Variants in SUPT3H observed in about 807,000 individuals in gnomAD.
SUPT3H encodes transcription initiation protein SPT3 homolog.
In SUPT3H, 44 loss-of-function variants were observed where a neutral mutation model predicts 44.3. The observed-to-expected ratio is 0.99, with a 90% confidence interval of 0.78 to 1.28. The LOEUF is 1.28. Among genes scored for constraint, SUPT3H ranks in the 50% most tolerant of loss-of-function variants. The pLI, the probability that SUPT3H is intolerant of heterozygous loss-of-function variation, is 0.00. For missense variants in SUPT3H, 380 were observed against 387.1 expected, an observed-to-expected ratio of 0.98 and a Z score of 0.15; for synonymous variants, 124 against 125.6, an observed-to-expected ratio of 0.99 and a Z score of 0.09.
intron 6 of SUPT3H, among the ~76,000 whole-genome samples, chr6:44,986,293 T>C (rs1162808219): frequency 6.6e-6 from 1 of 152,204 alleles, no homozygotes; most frequent in Non-Finnish European, 1.5e-5. Context: ...AGTTACCTAA[T>C]CTCTGTGCTT....
At chr6:44,990,774 G>A (rs757132146) in intron 6 of SUPT3H, among the ~76,000 whole-genome samples, 159 of 152,036 alleles carry the variant, frequency 1.0e-3, no homozygotes, top group African/African-American at 3.6e-3. Flanking sequence ...AAAGGTATAC[G>A]GTAGTATTCT....
chr6:44,984,547 A>C (rs1053343828), intron 6 of SUPT3H, among the ~76,000 whole-genome samples: 1 of 152,140 alleles, frequency 6.6e-6, no homozygotes, highest in African/African-American at 2.4e-5. Context: ...AATAGAGTAT[A>C]AGTGAATATA....
rs528799791 is a variant in SUPT3H, at chr6:45,370,118, A to G, written c.1-4817T>C. Among the ~76,000 whole-genome samples, 40 of 152,328 alleles carry G rather than the reference A, an allele frequency of 2.6e-4. No homozygotes were observed. In the East Asian group the frequency reaches 7.3e-3, roughly 28 times the overall value. Reference sequence around the variant, plus strand: ...ATAACTCCAGCAGCTGGGAGAATATACTATATGGAAGCAAGAGTGCAATCA... The same window carrying G: ...ATAACTCCAGCAGCTGGGAGAATATGCTATATGGAAGCAAGAGTGCAATCA... On this transcript the variant is annotated intron_variant, in intron 1 of 10. Transcript: ENST00000371459.
chr6:45,217,394 G>T (rs1584314925), intron 2 of SUPT3H, among the ~76,000 whole-genome samples: 1 of 151,818 alleles, frequency 6.6e-6, no homozygotes, highest in East Asian at 1.9e-4. Flanking sequence ...ACAATCACTT[G>T]AACCCAGGAG....
chr6:44,994,256 A>G (rs995666263), intron 6 of SUPT3H, among the ~76,000 whole-genome samples: 1 of 152,114 alleles, frequency 6.6e-6, no homozygotes, highest in African/African-American at 2.4e-5. Context: ...AAAAATCTCA[A>G]TAAATAAATG....
At chr6:45,263,986 C>A (rs997283747) in intron 2 of SUPT3H, among the ~76,000 whole-genome samples, 12 of 152,142 alleles carry the variant, frequency 7.9e-5, no homozygotes, top group Admixed American at 7.9e-4. Flanking sequence ...TCCAGAGGAT[C>A]GATTCTCCAA....
intron 9 of SUPT3H, among the ~76,000 whole-genome samples, chr6:44,940,101 T>C (rs1278156588): frequency 6.6e-6 from 1 of 152,016 alleles, no homozygotes; most frequent in African/African-American, 2.4e-5. Context: ...GTTTGGTATT[T>C]TCTTGCTTTT....
intron 10 of SUPT3H, 61 bp downstream of exon 10, chr6:44,932,592 T>C: frequency 5.6e-6 from 7 of 1,256,360 alleles, no homozygotes; most frequent in South Asian, 3.0e-5. Flanking sequence ...ATTTGACCAC[T>C]TGAAAATCAA....
intron 2 of SUPT3H, among the ~76,000 whole-genome samples, chr6:45,205,943 G>A (rs1237634101): frequency 1.3e-5 from 2 of 152,112 alleles, no homozygotes; most frequent in African/African-American, 4.8e-5. Context: ...TTCACAGAAG[G>A]CCTTAAAATT....
intron 2 of SUPT3H, among the ~76,000 whole-genome samples, chr6:45,342,265 T>C (rs1056160480): frequency 1.4e-4 from 22 of 152,136 alleles, no homozygotes; most frequent in African/African-American, 5.3e-4. Flanking sequence ...TATAACACAA[T>C]CTCAATTTTT....
At chr6:45,307,614 CT>C (rs1292162337) in intron 2 of SUPT3H, among the ~76,000 whole-genome samples, 1 of 152,206 alleles carries the variant, frequency 6.6e-6, no homozygotes, top group African/African-American at 2.4e-5. Context: ...AAAACCCCAT[CT>C]GTACATTACC....
At chr6:45,314,797 C>A (rs1413101500) in intron 2 of SUPT3H, among the ~76,000 whole-genome samples, 1 of 152,066 alleles carries the variant, frequency 6.6e-6, no homozygotes, top group Non-Finnish European at 1.5e-5. Context: ...TTCTAAAATT[C>A]ATATGGAACC....
At chr6:45,290,072 G>A (rs1376896322) in intron 2 of SUPT3H, among the ~76,000 whole-genome samples, 2 of 151,976 alleles carry the variant, frequency 1.3e-5, no homozygotes, top group East Asian at 3.9e-4. Flanking sequence ...CCCAGCTACT[G>A]ACAAGCCTGA....
chr6:45,016,692 C>A (rs1583069943), intron 4 of SUPT3H, among the ~76,000 whole-genome samples: 1 of 152,150 alleles, frequency 6.6e-6, no homozygotes, highest in Admixed American at 6.5e-5. Flanking sequence ...TTTATGGCTG[C>A]ATAGTATTCC....
intron 10 of SUPT3H, among the ~76,000 whole-genome samples, chr6:44,911,075 GT>G (rs919554007): frequency 1.6e-4 from 24 of 147,472 alleles, no homozygotes; most frequent in East Asian, 4.0e-4. Context: ...TTTTTGATGA[GT>G]TTTTTTTTAA....
chr6:44,820,389 AAACAC>A (rs1295507273), intron 11 of SUPT3H, among the ~76,000 whole-genome samples: 1 of 152,174 alleles, frequency 6.6e-6, no homozygotes, highest in Non-Finnish European at 1.5e-5. Flanking sequence ...TTATGTTGAA[AAACAC>A]AGTTGAAGAA....
chr6:45,050,607 C>G (rs1790129125), intron 3 of SUPT3H, among the ~76,000 whole-genome samples: 1 of 152,050 alleles, frequency 6.6e-6, no homozygotes, highest in African/African-American at 2.4e-5. Context: ...AGAAAATAAA[C>G]CATGCCACAT....
intron 6 of SUPT3H, among the ~76,000 whole-genome samples, chr6:44,974,009 A>G (rs185231770): frequency 5.9e-5 from 9 of 152,268 alleles, no homozygotes; most frequent in Admixed American, 5.2e-4. Flanking sequence ...AACTGTATCA[A>G]TTGCTATAAC....
chr6:45,127,544 A>C (rs1295273997), intron 2 of SUPT3H, among the ~76,000 whole-genome samples: 2 of 152,196 alleles, frequency 1.3e-5, no homozygotes, highest in Non-Finnish European at 1.5e-5. Flanking sequence ...ATTACCTTTC[A>C]TGATTCAAAC....
Sources: allele counts gnomAD v4.1 joint callset (sites outside exome capture counted in the v4.1 genomes callset), GRCh38; gene constraint gnomAD v4.1.1; transcripts MANE v1.5; gene names NCBI Gene and HGNC (gene_info 2026-07-23, HGNC 2026-07-21).